The following OXR1 variants were observed in gnomAD, a reference collection of about 807,000 sequenced individuals.
The protein encoded by OXR1 is oxidation resistance protein 1.
In OXR1, 41 loss-of-function variants were observed where a neutral mutation model predicts 104.6. The observed-to-expected ratio is 0.39, with a 90% CI of 0.31 to 0.51. The LOEUF (loss-of-function observed/expected upper bound fraction) is 0.51. Among genes scored for constraint, OXR1 ranks in the 20% least tolerant of loss-of-function variants. The probability of loss-of-function intolerance (pLI) is 0.77; values close to 1 mark genes in which losing one functional copy is unlikely to be tolerated. For synonymous variants in OXR1, 348 were observed against 348.4 expected (o/e 1.00, Z 0.01); for missense variants, 955 against 1,031.9 (o/e 0.93, Z 1.02).
At chr8:106,587,955 ATT>A (rs35772022) in intron 3 of OXR1, among the ~76,000 whole-genome samples, 39 of 145,340 alleles carry the variant, frequency 2.7e-4, no homozygotes, top group African/African-American at 8.6e-4. Context: ...AATATAAACA[ATT>A]TTTTTTTTTT....
intron 3 of OXR1, among the ~76,000 whole-genome samples, chr8:106,552,033 C>A (rs1466563724): frequency 6.6e-6 from 1 of 151,316 alleles, no homozygotes; most frequent in East Asian, 1.9e-4. Context: ...TGCACTCCAA[C>A]CTGGGTGACA....
rs114564990 is a variant in OXR1, at chr8:106,686,046, G to A, written c.525+1687G>A. 5.5e-3 allele frequency among the ~76,000 whole-genome samples: 842 copies of A among 152,212 alleles called. 6 individuals are homozygous for A. Among genetic ancestry groups the A allele is most frequent in the African/African-American group, 0.018 (768 of 41,534 alleles). ...AGGAATGGAAAACTAAACATCGCAC[G>A]TACTCACCCATAAGTGGGAGCTAAG... On this transcript the variant is annotated intron_variant, in intron 6 of 16. Coordinates refer to ENST00000517566, the MANE Select transcript of OXR1 (RefSeq NM_001198533.2).
chr8:106,380,401 G>A (rs1817095888), intron 2 of OXR1, among the ~76,000 whole-genome samples: 1 of 152,098 alleles, frequency 6.6e-6, no homozygotes, highest in African/African-American at 2.4e-5. Context: ...TGTACATTTT[G>A]GCTAGTATGA....
At chr8:106,418,516 C>T (rs570889978) in intron 2 of OXR1, among the ~76,000 whole-genome samples, 1 of 150,618 alleles carries the variant, frequency 6.6e-6, no homozygotes, top group African/African-American at 2.4e-5. Context: ...AAAGCTCCTT[C>T]CTGTTGTTTG....
In OXR1 at chr8:106,421,793, C is replaced by G. The variant is rs544539880; in HGVS notation, c.23+62157C>G. Reference sequence around the variant, plus strand: ...TTATGTGATGGAGCTCAGCAGTAGACTGGGAGAGGCCATGAATTGTAGTCA... The same window carrying G: ...TTATGTGATGGAGCTCAGCAGTAGAGTGGGAGAGGCCATGAATTGTAGTCA... On this transcript the variant is annotated intron_variant, in intron 2 of 16. Transcript: ENST00000517566. Among the ~76,000 whole-genome samples the G allele has an allele frequency of 1.7e-3, 107 of 64,068 alleles. 1 individual carries two copies. The South Asian group carries it at 0.038, about 23-fold the overall frequency. The allele number at this position is 64,068 out of a possible 152,430, so 42.0% of individuals were successfully genotyped here.
rs572390858 is a variant in OXR1 at position 106,675,528 on chromosome 8, T to C, written c.221-3682T>C. Among the ~76,000 whole-genome samples the C allele has an allele frequency of 2.6e-5, 4 of 152,342 alleles. No individual in the cohort carries two copies. In the South Asian group the frequency reaches 8.3e-4, roughly 32 times the overall value. ...GTTCTTATTAGTTGCAAAGAACTTC[T>C]TGATTTCTGCCTTAATTTCATTATT... On this transcript the variant is annotated intron_variant, in intron 3 of 16. Coordinates refer to ENST00000517566, the MANE Select transcript of OXR1 (RefSeq NM_001198533.2).
At chr8:106,405,162 A>G (rs1482576972) in intron 2 of OXR1, among the ~76,000 whole-genome samples, 3,829 of 48,008 alleles carry the variant, frequency 0.08, 456 homozygotes, top group African/African-American at 0.28. Flanking sequence ...ATATATATAT[A>G]TATATATATA....
At chr8:106,339,582 A>G (rs1011757660) in intron 1 of OXR1, among the ~76,000 whole-genome samples, 3 of 143,900 alleles carry the variant, frequency 2.1e-5, no homozygotes, top group Admixed American at 7.0e-5. Context: ...TAAAATAGAT[A>G]CTCAATAATC....
intron 6 of OXR1, among the ~76,000 whole-genome samples, chr8:106,686,715 A>G (rs976945054): frequency 2.6e-5 from 4 of 152,198 alleles, no homozygotes; most frequent in African/African-American, 9.6e-5. Flanking sequence ...TTGAATGTCC[A>G]GCTTAGTAGT....
At chr8:106,507,692 TG>T (rs1198001639) in intron 2 of OXR1, among the ~76,000 whole-genome samples, 2 of 152,192 alleles carry the variant, frequency 1.3e-5, no homozygotes, top group Non-Finnish European at 2.9e-5. Context: ...GTGTTTGCGC[TG>T]GGTGAATGCT....
chr8:106,653,083 A>AT (rs1554611973), intron 3 of OXR1, among the ~76,000 whole-genome samples: 1,975 of 137,108 alleles, frequency 0.014, 18 homozygotes, highest in African/African-American at 0.026. Flanking sequence ...AAAAAAAAAA[A>AT]ATATATATAT....
At chr8:106,610,646 G>A (rs769766958) in intron 3 of OXR1, among the ~76,000 whole-genome samples, 1 of 152,096 alleles carries the variant, frequency 6.6e-6, no homozygotes, top group Non-Finnish European at 1.5e-5. Context: ...GCCCATGCTA[G>A]TCTCTCTGAC....
At chr8:106,744,061 G>A (rs893377427) in intron 15 of OXR1, among the ~76,000 whole-genome samples, 1 of 152,176 alleles carries the variant, frequency 6.6e-6, no homozygotes, top group Non-Finnish European at 1.5e-5. Context: ...GGTGTGGGGA[G>A]GGAGAGGAGA....
At chr8:106,748,868 CCCCAACT>C (rs1835631632) in intron 16 of OXR1, among the ~76,000 whole-genome samples, 1 of 151,932 alleles carries the variant, frequency 6.6e-6, no homozygotes, top group South Asian at 2.1e-4. Flanking sequence ...CTGCACCCGG[CCCCAACT>C]CTTAAAGGAA....
intron 1 of OXR1, among the ~76,000 whole-genome samples, chr8:106,349,274 A>C (rs1260022280): frequency 6.6e-6 from 1 of 152,224 alleles, no homozygotes; most frequent in Non-Finnish European, 1.5e-5. Context: ...TATGTTCCCC[A>C]TTAAACACTG....
intron 3 of OXR1, among the ~76,000 whole-genome samples, chr8:106,538,147 G>A (rs1263438348): frequency 1.3e-5 from 2 of 152,132 alleles, no homozygotes; most frequent in Admixed American, 6.5e-5. Context: ...TGGCCATGTA[G>A]GTATTCTCCT....
At chr8:106,547,586 C>T (rs1161187744) in intron 3 of OXR1, among the ~76,000 whole-genome samples, 4 of 150,964 alleles carry the variant, frequency 2.6e-5, no homozygotes, top group South Asian at 2.1e-4. Flanking sequence ...CTCTGCCTCC[C>T]GAGTCCAAGC....
intron 2 of OXR1, among the ~76,000 whole-genome samples, chr8:106,395,546 T>A (rs766437199): frequency 2.6e-5 from 4 of 152,238 alleles, no homozygotes; most frequent in South Asian, 2.1e-4. Context: ...CCCCCATAAT[T>A]CAATCACCTC....
In OXR1 at chr8:106,687,577, G is replaced by A. The variant is rs966302949; in HGVS notation, c.525+3218G>A. On this transcript the variant is annotated intron_variant, in intron 6 of 16. Coordinates refer to ENST00000517566, the MANE Select transcript of OXR1 (RefSeq NM_001198533.2). ...TTTACTAAAAATACAAAAATTAGCCGGGTGTGGTGGCGGGCACTTGTAATT... is the reference window on the plus strand; with the variant it reads ...TTTACTAAAAATACAAAAATTAGCCAGGTGTGGTGGCGGGCACTTGTAATT... Among the ~76,000 whole-genome samples the A allele has an allele frequency of 7.9e-5, 12 of 152,124 alleles. No individual in the cohort carries two copies. The East Asian group carries it at 1.4e-3, about 17-fold the overall frequency.
Sources: allele counts gnomAD v4.1 joint callset (sites outside exome capture counted in the v4.1 genomes callset), GRCh38; gene constraint gnomAD v4.1.1; transcripts MANE v1.5; gene names NCBI Gene and HGNC (gene_info 2026-07-23, HGNC 2026-07-21).